PARD3B: variants seen among roughly 807,000 people sequenced by gnomAD.
PARD3B encodes par-3 family cell polarity regulator beta.
In PARD3B, 103 loss-of-function variants were observed where a neutral mutation model predicts 130.2. The observed-to-expected ratio is 0.79, with a 90% CI of 0.67 to 0.93. The LOEUF (loss-of-function observed/expected upper bound fraction) is 0.93. Ranked by LOEUF, PARD3B falls within the 40% of genes least tolerant of loss-of-function variation. The probability of loss-of-function intolerance (pLI) is 0.00; values close to 1 mark genes in which losing one functional copy is unlikely to be tolerated. For missense variants in PARD3B, 1,609 were observed against 1,499.2 expected (o/e 1.07, Z -1.21); for synonymous variants, 583 against 553.2 (o/e 1.05, Z -0.76).
At chr2:205,533,284 T>C (rs969352708) in intron 21 of PARD3B, among the ~76,000 whole-genome samples, 1 of 152,188 alleles carries the variant, frequency 6.6e-6, no homozygotes, top group Non-Finnish European at 1.5e-5. Context: ...GCAGTGAGAC[T>C]GGTAGGAGGA....
intron 4 of PARD3B, among the ~76,000 whole-genome samples, chr2:205,071,388 T>G (rs1421205838): frequency 1.3e-5 from 2 of 152,236 alleles, no homozygotes; most frequent in African/African-American, 4.8e-5. Flanking sequence ...GTGTGCATCT[T>G]GTTCCTGAGA....
At chr2:204,971,625 T>C (rs1238937825) in intron 3 of PARD3B, among the ~76,000 whole-genome samples, 3 of 152,094 alleles carry the variant, frequency 2.0e-5, no homozygotes, top group African/African-American at 7.2e-5. Context: ...AGTCTGTTTT[T>C]TTTTTCCCCC....
At chr2:204,949,514 G>T (rs1475796427) in intron 2 of PARD3B, among the ~76,000 whole-genome samples, 1 of 151,838 alleles carries the variant, frequency 6.6e-6, no homozygotes, top group East Asian at 1.9e-4. Context: ...TAGAGATGGG[G>T]TCTTACCATG....
intron 19 of PARD3B, 124 bp downstream of exon 19, chr2:205,401,247 G>A (rs1416323894): frequency 1.4e-6 from 1 of 694,410 alleles, no homozygotes; most frequent in Non-Finnish European, 2.3e-6. Flanking sequence ...GATCTGAAAG[G>A]AAAGGTGTCT....
At chr2:204,674,814 C>T (rs981976407) in intron 1 of PARD3B, among the ~76,000 whole-genome samples, 2 of 152,172 alleles carry the variant, frequency 1.3e-5, no homozygotes, top group Non-Finnish European at 2.9e-5. Flanking sequence ...TAGACACTAT[C>T]TGTCGAAAGT....
At chr2:205,296,513 C>T (rs890685760) in intron 16 of PARD3B, among the ~76,000 whole-genome samples, 5 of 152,152 alleles carry the variant, frequency 3.3e-5, no homozygotes, top group African/African-American at 1.2e-4. Flanking sequence ...AGCGGTTTCT[C>T]AGCATCTTAA....
At chr2:204,952,913 C>T (rs1286680239) in intron 2 of PARD3B, among the ~76,000 whole-genome samples, 1 of 150,148 alleles carries the variant, frequency 6.7e-6, no homozygotes, top group Non-Finnish European at 1.5e-5. Flanking sequence ...AGGAGAATGG[C>T]GTGAACCCAG....
In PARD3B at chr2:205,575,261, G is replaced by A. The variant is rs888295129; in HGVS notation, c.3260+21858G>A. Among the ~76,000 whole-genome samples the A allele has an allele frequency of 7.2e-5, 11 of 151,846 alleles. No individual in the cohort carries two copies. The highest frequency in any genetic ancestry group is 2.4e-4 in the African/African-American group (10 of 41,344). Reference sequence around the variant, plus strand: ...AGGTTCACACCAAATTTTAGAGGAAGGTACACAGATTTCTCATAAACCTGC... The same window carrying A: ...AGGTTCACACCAAATTTTAGAGGAAAGTACACAGATTTCTCATAAACCTGC... On this transcript the variant is annotated intron_variant, in intron 22 of 22. Coordinates refer to ENST00000406610, the MANE Select transcript of PARD3B (RefSeq NM_001302769.2). This position sits in a 1 kb window ranked among gnomAD's most constrained non-coding sequence, Gnocchi z 4.6.
chr2:205,246,484 T>C (rs2039578726), intron 16 of PARD3B, among the ~76,000 whole-genome samples: 1 of 152,204 alleles, frequency 6.6e-6, no homozygotes, highest in Non-Finnish European at 1.5e-5. Context: ...TTCACATTAG[T>C]TGAAAACATT....
chr2:204,994,329 C>T (rs1693961070), intron 3 of PARD3B, among the ~76,000 whole-genome samples: 2 of 98,264 alleles, frequency 2.0e-5, no homozygotes, highest in African/African-American at 8.0e-5. Context: ...GCCTTCATTT[C>T]GTTATGTACC....
At chr2:205,133,142 G>A (rs2032164936) in intron 10 of PARD3B, among the ~76,000 whole-genome samples, 2 of 152,144 alleles carry the variant, frequency 1.3e-5, no homozygotes, top group African/African-American at 2.4e-5. Context: ...ATGAGGGTTA[G>A]GATAGTTTTC....
At chr2:205,147,892 G>A (rs975519305) in intron 10 of PARD3B, among the ~76,000 whole-genome samples, 3 of 152,126 alleles carry the variant, frequency 2.0e-5, no homozygotes, top group East Asian at 1.9e-4. Flanking sequence ...TATGAGTGAC[G>A]TAATATTGAA....
Position 205,158,685 on chromosome 2 carries a change from C to T in PARD3B, c.1435-37C>T. ...AGAGAGTGAAATATTAATCTGCTTT[C>T]TTCTCTTCACTCTTTTCATGTGTAT... On this transcript the variant is annotated intron_variant, in intron 10 of 22. Coordinates refer to ENST00000406610, the MANE Select transcript of PARD3B (RefSeq NM_001302769.2). The surrounding 1 kb of genome is among the most constrained non-coding windows in gnomAD (Gnocchi z 5.4). 6.4e-7 allele frequency: 1 copy of T among 1,552,436 alleles called. No individual in the cohort carries two copies. Among genetic ancestry groups the T allele is most frequent in the Non-Finnish European group, 8.8e-7 (1 of 1,135,538 alleles).
At chr2:204,900,756 C>A (rs1333855091) in intron 2 of PARD3B, among the ~76,000 whole-genome samples, 1 of 152,058 alleles carries the variant, frequency 6.6e-6, no homozygotes, top group African/African-American at 2.4e-5. Context: ...TTGTACTTGC[C>A]CTTCTTCAGA....
At chr2:205,166,724 A>T (rs2034840802) in intron 11 of PARD3B, among the ~76,000 whole-genome samples, 1 of 152,180 alleles carries the variant, frequency 6.6e-6, no homozygotes, top group African/African-American at 2.4e-5. Flanking sequence ...TTGTAGGGCC[A>T]TGAGAAGGAT....
intron 1 of PARD3B, among the ~76,000 whole-genome samples, chr2:204,622,102 C>T (rs781384254): frequency 1.3e-5 from 2 of 152,186 alleles, no homozygotes; most frequent in Non-Finnish European, 2.9e-5. Context: ...AGCCCAGACT[C>T]GGACTCTGAG....
intron 3 of PARD3B, among the ~76,000 whole-genome samples, chr2:205,009,377 T>C (rs981727434): frequency 1.3e-5 from 2 of 152,154 alleles, no homozygotes; most frequent in Non-Finnish European, 2.9e-5. Context: ...TAGAATTTTA[T>C]AGTGTACACA....
intron 3 of PARD3B, among the ~76,000 whole-genome samples, chr2:204,997,894 A>C (rs1694363803): frequency 6.7e-6 from 1 of 149,332 alleles, no homozygotes; most frequent in African/African-American, 2.4e-5. Flanking sequence ...TAAAATATTT[A>C]CAGTAATGTA....
At chr2:204,914,161 G>T (rs943582814) in intron 2 of PARD3B, among the ~76,000 whole-genome samples, 1 of 152,140 alleles carries the variant, frequency 6.6e-6, no homozygotes, top group Non-Finnish European at 1.5e-5. Context: ...CTCCTGATCC[G>T]GGATGGTACC....
Sources: gnomAD v4.1 joint callset for allele counts (sites outside exome capture counted in the v4.1 genomes callset) on GRCh38, gnomAD v4.1.1 for gene constraint, Gnocchi (gnomAD v3.1) non-coding constraint, MANE v1.5 for transcripts, NCBI Gene and HGNC (gene_info 2026-07-23, HGNC 2026-07-21) for gene names.